Variants in ERICH5 observed in about 807,000 individuals in gnomAD.
ERICH5 encodes the protein glutamate-rich protein 5.
Under a neutral mutation model 28.0 loss-of-function variants are expected in ERICH5, and 24 were observed. The observed-to-expected ratio is 0.86, with a 90% CI of 0.62 to 1.21. ERICH5 has a LOEUF of 1.21. Ranked by LOEUF, ERICH5 falls within the 50% of genes most tolerant of loss-of-function variation. The probability of loss-of-function intolerance (pLI) is 0.00; values close to 1 mark genes in which losing one functional copy is unlikely to be tolerated. For missense variants in ERICH5, 421 were observed against 441.2 expected (o/e 0.95, Z 0.41); for synonymous variants, 163 against 157.6 (o/e 1.03, Z -0.25).
chr8:98,069,393 A>G (rs1012301772), intron 1 of ERICH5, among the ~76,000 whole-genome samples: 6 of 142,670 alleles, frequency 4.2e-5, no homozygotes, highest in African/African-American at 1.6e-4. Context: ...TTTTTTTTTT[A>G]TATATTCTTT....
intron 1 of ERICH5, among the ~76,000 whole-genome samples, chr8:98,080,607 C>CCTTCTCCTTCTT (rs1298202350): frequency 6.6e-6 from 1 of 151,542 alleles, no homozygotes; most frequent in Non-Finnish European, 1.5e-5. Context: ...ACCTTCTTCT[C>CCTTCTCCTTCTT]CTTCTCCTTC....
At chr8:98,075,290 A>G (rs1394645215) in intron 1 of ERICH5, among the ~76,000 whole-genome samples, 2 of 152,160 alleles carry the variant, frequency 1.3e-5, no homozygotes, top group Non-Finnish European at 2.9e-5. Context: ...AATTATGTTC[A>G]TGATTCTTGG....
At chr8:98,074,998 G>A (rs1815022330) in intron 1 of ERICH5, among the ~76,000 whole-genome samples, 1 of 152,148 alleles carries the variant, frequency 6.6e-6, no homozygotes, top group South Asian at 2.1e-4. Context: ...GACTCTGACA[G>A]TTTTGAGGAG....
chr8:98,086,775 C>T (rs1435984318), intron 1 of ERICH5, among the ~76,000 whole-genome samples: 4 of 151,788 alleles, frequency 2.6e-5, no homozygotes, highest in Admixed American at 6.6e-5. Context: ...ATGGTGAAAC[C>T]CCATCTCTAC....
At chr8:98,075,421 G>A (rs1411847911) in intron 1 of ERICH5, among the ~76,000 whole-genome samples, 3 of 152,046 alleles carry the variant, frequency 2.0e-5, no homozygotes, top group Non-Finnish European at 2.9e-5. Flanking sequence ...GGTGTATCAG[G>A]TTGTGAGTGG....
intron 1 of ERICH5, among the ~76,000 whole-genome samples, chr8:98,083,444 G>C (rs1001080857): frequency 6.6e-6 from 1 of 152,036 alleles, no homozygotes; most frequent in African/African-American, 2.4e-5. Context: ...GAGGCAGGAG[G>C]GGGAGGTGAA....
intron 1 of ERICH5, among the ~76,000 whole-genome samples, chr8:98,074,950 C>A (rs1404799913): frequency 6.6e-6 from 1 of 152,166 alleles, no homozygotes. Flanking sequence ...TTCAGCTCCC[C>A]TTGGCTAAGA....
At chr8:98,065,936 T>C (rs1814812542) in intron 1 of ERICH5, among the ~76,000 whole-genome samples, 2 of 152,210 alleles carry the variant, frequency 1.3e-5, no homozygotes, top group Admixed American at 1.3e-4. Flanking sequence ...AGAAATATGT[T>C]GTGTTGCTGT....
At chr8:98,079,035 T>C (rs1385357083) in intron 1 of ERICH5, among the ~76,000 whole-genome samples, 1 of 152,042 alleles carries the variant, frequency 6.6e-6, no homozygotes, top group East Asian at 1.9e-4. Flanking sequence ...ACAGAGTGTA[T>C]AGAAATACTT....
chr8:98,091,864 CTTT>C (rs1324348615), intron 2 of ERICH5, among the ~76,000 whole-genome samples: 33 of 87,906 alleles, frequency 3.8e-4, no homozygotes, highest in African/African-American at 9.9e-4. Context: ...TTCTTTCTTT[CTTT>C]CTTTCTTTCT....
At chr8:98,065,518 A>C (rs1814804477) in intron 1 of ERICH5, among the ~76,000 whole-genome samples, 1 of 152,238 alleles carries the variant, frequency 6.6e-6, no homozygotes, top group Non-Finnish European at 1.5e-5. Context: ...CTGGAGATAC[A>C]AGTGACCCTG....
chr8:98,093,347 C>G lies in ERICH5; in HGVS notation c.*14C>G, dbSNP rs757894758. ...GCAGCCACATAGATAGAAGAGTGAA[C>G]CGACACAGTGTGTTATCATAGAGGA... On this transcript the variant is annotated 3_prime_UTR_variant, in exon 3 of 3. Transcript: ENST00000318528. 5.7e-6 allele frequency: 9 copies of G among 1,572,754 alleles called. No homozygotes were observed. The South Asian group carries it at 7.8e-5, about 14-fold the overall frequency.
intron 1 of ERICH5, among the ~76,000 whole-genome samples, chr8:98,079,266 G>A (rs984214350): frequency 1.3e-5 from 2 of 148,776 alleles, no homozygotes; most frequent in Admixed American, 6.8e-5. Context: ...GACCTCTGGG[G>A]CTTAAGCAAT....
intron 2 of ERICH5, among the ~76,000 whole-genome samples, chr8:98,090,617 A>G (rs1295526746): frequency 6.6e-6 from 1 of 151,384 alleles, no homozygotes; most frequent in Non-Finnish European, 1.5e-5. Flanking sequence ...AAAAAAAAAG[A>G]AAGAAAAAAG....
intron 2 of ERICH5, among the ~76,000 whole-genome samples, chr8:98,091,900 C>CTTCCTTT: frequency 6.7e-5 from 5 of 74,676 alleles, no homozygotes; most frequent in African/African-American, 2.8e-4. Flanking sequence ...TTCTTTCTTT[C>CTTCCTTT]CTTTCTTTCT....
chr8:98,065,402 G>A (rs1013459277), intron 1 of ERICH5, among the ~76,000 whole-genome samples: 3 of 152,204 alleles, frequency 2.0e-5, no homozygotes, highest in Non-Finnish European at 4.4e-5. Flanking sequence ...AGTATCAGTT[G>A]AGAAGTATGT....
chr8:98,091,940 T>TCTTC (rs1815412886), intron 2 of ERICH5, among the ~76,000 whole-genome samples: 1 of 30,768 alleles, frequency 3.3e-5, no homozygotes, highest in Non-Finnish European at 7.6e-5. Flanking sequence ...TTTCTTCCTT[T>TCTTC]CTTTCTTTCT....
At chr8:98,076,444 A>G (rs1320028517) in intron 1 of ERICH5, among the ~76,000 whole-genome samples, 1 of 149,114 alleles carries the variant, frequency 6.7e-6, no homozygotes, top group Non-Finnish European at 1.5e-5. Context: ...TAGCAAACCC[A>G]GCTAATTCTG....
chr8:98,074,736 G>A (rs2513827), intron 1 of ERICH5, among the ~76,000 whole-genome samples: 94,452 of 151,226 alleles, frequency 0.62, 29,660 homozygotes, highest in East Asian at 0.69. Flanking sequence ...GGTACAGAGA[G>A]TTCTCATATA....
Sources: gnomAD v4.1 joint callset for allele counts (sites outside exome capture counted in the v4.1 genomes callset) on GRCh38, gnomAD v4.1.1 for gene constraint, MANE v1.5 for transcripts, NCBI Gene and HGNC (gene_info 2026-07-23, HGNC 2026-07-21) for gene names.